Variants in GRK5 observed in about 807,000 individuals in gnomAD.
GRK5 encodes G protein-coupled receptor kinase 5, also known as g protein-coupled receptor kinase GRK5.
In GRK5, 40 loss-of-function variants were observed where a neutral mutation model predicts 78.4. That is an observed-to-expected ratio of 0.51 (90% CI 0.40 to 0.66). The LOEUF is 0.66. Ranked by LOEUF, GRK5 falls within the 30% of genes least tolerant of loss-of-function variation. GRK5 has a pLI of 0.00. For missense variants in GRK5, 598 were observed against 759.9 expected, an observed-to-expected ratio of 0.79 and a Z score of 2.50; for synonymous variants, 289 against 296.8, an observed-to-expected ratio of 0.97 and a Z score of 0.27.
intron 1 of GRK5, among the ~76,000 whole-genome samples, chr10:119,295,318 A>G (rs1424398918): frequency 6.6e-6 from 1 of 152,148 alleles, no homozygotes; most frequent in Non-Finnish European, 1.5e-5. Flanking sequence ...TTGGCGCTCA[A>G]TAGATATTAG....
chr10:119,309,660 G>A (rs1850328950), intron 1 of GRK5, among the ~76,000 whole-genome samples: 1 of 152,128 alleles, frequency 6.6e-6, no homozygotes, highest in Admixed American at 6.5e-5. Flanking sequence ...GCTTGCCCAG[G>A]GTCACAGAGC....
chr10:119,251,464 C>T (rs920602994), intron 1 of GRK5, among the ~76,000 whole-genome samples: 1 of 152,234 alleles, frequency 6.6e-6, no homozygotes, highest in Non-Finnish European at 1.5e-5. Flanking sequence ...TCGGAGCTGT[C>T]TCCCGAAGCC....
At chr10:119,299,611 C>A (rs1479591281) in intron 1 of GRK5, among the ~76,000 whole-genome samples, 1 of 152,090 alleles carries the variant, frequency 6.6e-6, no homozygotes, top group Non-Finnish European at 1.5e-5. Flanking sequence ...GGGAATCCTG[C>A]AGGGTCCTGT....
intron 3 of GRK5, among the ~76,000 whole-genome samples, chr10:119,381,404 C>A (rs945945455): frequency 6.6e-6 from 1 of 152,258 alleles, no homozygotes; most frequent in Non-Finnish European, 1.5e-5. Context: ...CTGCCTCACA[C>A]AGTGCCCAGA....
At chr10:119,261,110 T>G (rs1392525190) in intron 1 of GRK5, among the ~76,000 whole-genome samples, 164 of 135,932 alleles carry the variant, frequency 1.2e-3, no homozygotes, top group African/African-American at 3.8e-3. Flanking sequence ...ACTGGGTGGC[T>G]GCCGGGCGGA....
intron 2 of GRK5, among the ~76,000 whole-genome samples, chr10:119,337,334 C>A (rs960659308): frequency 3.3e-5 from 5 of 152,112 alleles, no homozygotes; most frequent in Non-Finnish European, 7.4e-5. Flanking sequence ...GTTAGTTTTT[C>A]CTGAGGTTGC....
At chr10:119,213,966 TTTTTTTGTTTG>T (rs1407179450) in intron 1 of GRK5, among the ~76,000 whole-genome samples, 2 of 35,202 alleles carry the variant, frequency 5.7e-5, no homozygotes, top group Admixed American at 4.8e-4. Context: ...TTTTTACATG[TTTTTTTGTTTG>T]TTTTTTGTTT....
chr10:119,325,261 A>G (rs2133761647), intron 1 of GRK5, among the ~76,000 whole-genome samples: 1 of 152,282 alleles, frequency 6.6e-6, no homozygotes, highest in East Asian at 1.9e-4. Flanking sequence ...TCTCCACTTC[A>G]TGGATGAGGA....
intron 1 of GRK5, among the ~76,000 whole-genome samples, chr10:119,231,022 T>G (rs1848819531): frequency 2.0e-5 from 3 of 151,898 alleles, no homozygotes; most frequent in African/African-American, 7.2e-5. Context: ...TGGAGCAGCT[T>G]TGGGGAGACT....
At position 119,431,546 on chromosome 10, in the gene GRK5, C is replaced by T; in HGVS notation, c.738+19C>T. The T allele has an allele frequency of 6.2e-7, 1 of 1,608,478 alleles. No homozygotes were observed. Among genetic ancestry groups the T allele is most frequent in the Non-Finnish European group, 8.5e-7 (1 of 1,177,006 alleles). Reference sequence around the variant, plus strand: ...GTTTGTGGTGAGTGAGCATCTGGGCCCAGTGACCGGCTCGCCCTTCTGTGG... The same window carrying T: ...GTTTGTGGTGAGTGAGCATCTGGGCTCAGTGACCGGCTCGCCCTTCTGTGG... On this transcript the variant is annotated intron_variant, in intron 8 of 15. Coordinates refer to ENST00000392870, the MANE Select transcript of GRK5 (RefSeq NM_005308.3). The surrounding 1 kb of genome is among the most constrained non-coding windows in gnomAD (Gnocchi z 4.8).
chr10:119,387,947 A>T lies in GRK5; in HGVS notation c.261+7020A>T, dbSNP rs575200802. Among the ~76,000 whole-genome samples, 14 of 71,298 alleles carry T rather than the reference A, an allele frequency of 2.0e-4. No individual in the cohort carries two copies. The South Asian group carries it at 2.6e-3, about 13-fold the overall frequency. The allele number at this position is 71,298 out of a possible 152,430, so 46.8% of individuals were successfully genotyped here. A position where few individuals can be genotyped will look rare whatever the true frequency, so the allele number is the denominator to read the frequency against. ...TGGTTAAATGAAAGATTAAAAAAAT[A>T]AAGAAGATTTTTTTTTTCTAGGAGG... is the stretch of plus-strand genomic sequence containing the variant. On this transcript the variant is annotated intron_variant, in intron 3 of 15. Coordinates refer to ENST00000392870, the MANE Select transcript of GRK5 (RefSeq NM_005308.3).
chr10:119,253,459 AG>A lies in GRK5; in HGVS notation c.52+45491del, dbSNP rs1251884896. 6.6e-6 allele frequency among the ~76,000 whole-genome samples: 1 copy of A among 152,168 alleles called. No individual in the cohort carries two copies. The highest frequency in any genetic ancestry group is 1.5e-5 in the Non-Finnish European group (1 of 68,032). On this transcript the variant is annotated intron_variant, in intron 1 of 15. Coordinates refer to ENST00000392870, the MANE Select transcript of GRK5 (RefSeq NM_005308.3). This position sits in a 1 kb window ranked among gnomAD's most constrained non-coding sequence, Gnocchi z 5.7. Reference sequence around the variant, plus strand: ...CCGTTCCTTTTATATTTAAATCAGAAGCTTAGGCTCCTCCGTGTAGCTGCTC... The same window carrying A: ...CCGTTCCTTTTATATTTAAATCAGAACTTAGGCTCCTCCGTGTAGCTGCTC...
intron 1 of GRK5, among the ~76,000 whole-genome samples, chr10:119,239,472 G>A (rs1848985125): frequency 6.6e-6 from 1 of 152,120 alleles, no homozygotes; most frequent in South Asian, 2.1e-4. Flanking sequence ...CTGACCTCAG[G>A]TGATCCGTCT....
chr10:119,453,638 C>T (rs940028066), intron 15 of GRK5, among the ~76,000 whole-genome samples: 6 of 152,192 alleles, frequency 3.9e-5, no homozygotes, highest in Admixed American at 6.5e-5. Flanking sequence ...ATCCCCCAGT[C>T]GTGAGAGCCC....
chr10:119,367,984 G>A (rs1589768024), intron 2 of GRK5, among the ~76,000 whole-genome samples: 1 of 152,240 alleles, frequency 6.6e-6, no homozygotes, highest in Non-Finnish European at 1.5e-5. Flanking sequence ...GGCAGGAAGA[G>A]CCAGGTCTGC....
At chr10:119,220,121 G>A (rs1848636169) in intron 1 of GRK5, among the ~76,000 whole-genome samples, 1 of 152,218 alleles carries the variant, frequency 6.6e-6, no homozygotes, top group Non-Finnish European at 1.5e-5. Flanking sequence ...TTTCTAAACA[G>A]TCAATTCTGT....
At position 119,253,547 on chromosome 10, in the gene GRK5, C is replaced by T. The variant is rs1466253; in HGVS notation, c.52+45578C>T. ...AGCTTAGGGTGCTGTGATATGCTTG[C>T]GGGATGCTGCCCCACCACGGCTGGA... On this transcript the variant is annotated intron_variant, in intron 1 of 15. Transcript: ENST00000392870. The surrounding 1 kb of genome is among the most constrained non-coding windows in gnomAD (Gnocchi z 5.7). 0.011 allele frequency among the ~76,000 whole-genome samples: 1,740 copies of T among 152,290 alleles called. 34 individuals carry two copies. The highest frequency in any genetic ancestry group is 0.039 in the African/African-American group (1,629 of 41,540).
chr10:119,291,894 A>G (rs1215007834), intron 1 of GRK5, among the ~76,000 whole-genome samples: 1 of 55,828 alleles, frequency 1.8e-5, no homozygotes, highest in Non-Finnish European at 3.8e-5. Flanking sequence ...CCTTCTGCTC[A>G]TCTTCTTCCT....
At chr10:119,338,560 A>G (rs1850932698) in intron 2 of GRK5, among the ~76,000 whole-genome samples, 1 of 152,016 alleles carries the variant, frequency 6.6e-6, no homozygotes, top group South Asian at 2.1e-4. Context: ...TGTGATGTAC[A>G]TTTTTCCATT....
Sources: allele counts gnomAD v4.1 joint callset (sites outside exome capture counted in the v4.1 genomes callset), GRCh38; gene constraint gnomAD v4.1.1; non-coding constraint Gnocchi (gnomAD v3.1); transcripts MANE v1.5; gene names NCBI Gene and HGNC (gene_info 2026-07-23, HGNC 2026-07-21).